MRRF: variants seen among roughly 807,000 people sequenced by gnomAD.
The protein encoded by MRRF is mitochondrial ribosome recycling factor.
Under a neutral mutation model 25.1 loss-of-function variants are expected in MRRF, and 18 were observed. The ratio of observed to expected loss-of-function variants is 0.72; its 90% confidence interval spans 0.50 to 1.06. The LOEUF (loss-of-function observed/expected upper bound fraction) is 1.06. Among genes scored for constraint, MRRF ranks in the 50% least tolerant of loss-of-function variants. The pLI is 0.00. For synonymous variants in MRRF, 113 were observed against 112.1 expected (o/e 1.01, Z -0.05); for missense variants, 323 against 319.3 (o/e 1.01, Z -0.09).
At chr9:122,292,727 GTC>G (rs1307479763) in intron 5 of MRRF, among the ~76,000 whole-genome samples, 1 of 152,158 alleles carries the variant, frequency 6.6e-6, no homozygotes, top group African/African-American at 2.4e-5. Context: ...CTATGTGAGG[GTC>G]TCTCTGACTG....
At chr9:122,322,501 G>T in intron 6 of MRRF, 39 bp from the exon 7 acceptor site, 1 of 1,583,178 alleles carries the variant, frequency 6.3e-7, no homozygotes. Flanking sequence ...CCCTTTTCCA[G>T]CCCCATTAAT....
chr9:122,314,396 C>T (rs983759257), intron 6 of MRRF, among the ~76,000 whole-genome samples: 3 of 152,110 alleles, frequency 2.0e-5, no homozygotes, highest in Non-Finnish European at 4.4e-5. Flanking sequence ...TTTGATTGGC[C>T]AAAGCAAGTC....
chr9:122,277,113 G>A (rs1474194122), intron 2 of MRRF, among the ~76,000 whole-genome samples: 3 of 152,148 alleles, frequency 2.0e-5, no homozygotes, highest in African/African-American at 7.2e-5. Flanking sequence ...GCCCACCTCA[G>A]CCCCACAAAG....
At chr9:122,294,916 G>A (rs1198552689) in intron 5 of MRRF, among the ~76,000 whole-genome samples, 2 of 152,146 alleles carry the variant, frequency 1.3e-5, no homozygotes, top group African/African-American at 4.8e-5. Flanking sequence ...AGGAGAAAAG[G>A]ATGGAGGGAA....
rs1359535714 is a variant in MRRF, at chr9:122,325,193, A to G, written c.*2576A>G. 1 of 152,222 alleles carries G rather than the reference A, an allele frequency of 6.6e-6. No homozygotes were observed. Among genetic ancestry groups the G allele is most frequent in the African/African-American group, 2.4e-5 (1 of 41,450 alleles). 9.4% of individuals were successfully genotyped at this position (152,222 alleles called of 1,614,324 possible). On this transcript the variant is annotated 3_prime_UTR_variant, in exon 7 of 7. Transcript: ENST00000344641. Reference sequence around the variant, plus strand: ...TGGTGAACAGACAGGGAGGAAAATGAAAGATTTTCTGTACTTGGGTTCCAC... The same window carrying G: ...TGGTGAACAGACAGGGAGGAAAATGGAAGATTTTCTGTACTTGGGTTCCAC...
At position 122,270,990 on chromosome 9, in the gene MRRF, A is replaced by T. The variant is rs756314177; in HGVS notation, c.99A>T (p.Thr33=). ...CCGTTTCAGAAGTTACACTGAAGAC[A>T]GTGCATGAAAGACAACATGGCCATA... ...IRPVSEVTLK[T]VHERQHGHRQ... is the part of the protein sequence containing the mutation. The change falls in exon 2 of 7, where the codon ACA becomes ACT. Residue 33 remains threonine, a synonymous_variant. Transcript: ENST00000344641. 5.0e-6 allele frequency: 8 copies of T among 1,614,214 alleles called. No individual in the cohort carries two copies. In the Admixed American group the frequency reaches 6.7e-5, roughly 13 times the overall value.
At chr9:122,295,769 A>T (rs1054403395) in intron 5 of MRRF, among the ~76,000 whole-genome samples, 3 of 152,030 alleles carry the variant, frequency 2.0e-5, no homozygotes, top group Non-Finnish European at 4.4e-5. Flanking sequence ...TCTGATTATA[A>T]AAGTTTGAGT....
intron 5 of MRRF, among the ~76,000 whole-genome samples, chr9:122,294,565 CT>C (rs1236398930): frequency 6.6e-6 from 1 of 152,100 alleles, no homozygotes; most frequent in Non-Finnish European, 1.5e-5. Flanking sequence ...AGGCCCCTTA[CT>C]GAATTATAAC....
At chr9:122,293,760 G>A (rs747554142) in intron 5 of MRRF, among the ~76,000 whole-genome samples, 6 of 152,176 alleles carry the variant, frequency 3.9e-5, no homozygotes, top group Non-Finnish European at 7.3e-5. Context: ...ATGTATAGAC[G>A]TGATGTATGC....
chr9:122,306,527 C>T (rs1468628709), intron 5 of MRRF, among the ~76,000 whole-genome samples: 1 of 152,212 alleles, frequency 6.6e-6, no homozygotes, highest in Non-Finnish European at 1.5e-5. Context: ...CAAGCCCCAA[C>T]AGTCTGACTT....
chr9:122,301,569 A>G (rs1052104293), intron 5 of MRRF, among the ~76,000 whole-genome samples: 6 of 152,194 alleles, frequency 3.9e-5, no homozygotes, highest in African/African-American at 1.4e-4. Context: ...AGAGGGGAGA[A>G]GAGAACAGGA....
intron 5 of MRRF, among the ~76,000 whole-genome samples, chr9:122,307,285 A>C (rs912659610): frequency 6.6e-6 from 1 of 152,200 alleles, no homozygotes; most frequent in Admixed American, 6.5e-5. Context: ...TGGCAATGTC[A>C]GGAATGTATC....
chr9:122,280,630 A>C, intron 3 of MRRF, 32 bp downstream of exon 3: 1 of 1,607,540 alleles, frequency 6.2e-7, no homozygotes, highest in Non-Finnish European at 8.5e-7. Context: ...CTGGGGAGGG[A>C]TGTAATGGAA....
At chr9:122,320,102 C>T (rs1588091920) in intron 6 of MRRF, among the ~76,000 whole-genome samples, 1 of 151,622 alleles carries the variant, frequency 6.6e-6, no homozygotes, top group Admixed American at 6.6e-5. Context: ...TCAAACTCCT[C>T]GACTCAAGTG....
rs1303258092 is a variant in MRRF at position 122,324,056 on chromosome 9, A to G, written c.*1439A>G. On this transcript the variant is annotated 3_prime_UTR_variant, in exon 7 of 7. Transcript: ENST00000344641. ...GTTTGTTTCCCCCACACACCAAGCA[A>G]TTCTCCAGCAGACACCAACTGGGTA... 9 of 152,184 alleles carry G rather than the reference A, an allele frequency of 5.9e-5. No individual in the cohort carries two copies. In the South Asian group the frequency reaches 8.3e-4, roughly 14 times the overall value. 9.4% of individuals were successfully genotyped at this position (152,184 alleles called of 1,614,324 possible).
chr9:122,267,132 A>G (rs1220786421), intron 1 of MRRF, among the ~76,000 whole-genome samples: 3 of 151,136 alleles, frequency 2.0e-5, no homozygotes, highest in Non-Finnish European at 2.9e-5. Context: ...TAATCCCAGC[A>G]CTTTGGGAGG....
intron 1 of MRRF, among the ~76,000 whole-genome samples, chr9:122,265,261 G>T (rs896792651): frequency 4.6e-5 from 7 of 152,160 alleles, no homozygotes; most frequent in Non-Finnish European, 1.0e-4. Flanking sequence ...TGAAGAAACG[G>T]AAGCTCACAT....
At chr9:122,299,133 G>A (rs1454306624) in intron 5 of MRRF, among the ~76,000 whole-genome samples, 1 of 151,774 alleles carries the variant, frequency 6.6e-6, no homozygotes, top group Non-Finnish European at 1.5e-5. Flanking sequence ...GCTCATACCT[G>A]TAATCCCAGC....
At chr9:122,275,023 C>A (rs1421592138) in intron 2 of MRRF, among the ~76,000 whole-genome samples, 1 of 148,550 alleles carries the variant, frequency 6.7e-6, no homozygotes, top group Non-Finnish European at 1.5e-5. Context: ...AAACATGATG[C>A]TTTGATATAC....
Sources: gnomAD v4.1 joint callset for allele counts (sites outside exome capture counted in the v4.1 genomes callset) on GRCh38, gnomAD v4.1.1 for gene constraint, MANE v1.5 for transcripts, NCBI Gene and HGNC (gene_info 2026-07-23, HGNC 2026-07-21) for gene names.